Variants in CTTNBP2 observed in about 807,000 individuals in gnomAD.
CTTNBP2 encodes cortactin binding protein 2.
A neutral mutation model predicts 156.9 loss-of-function variants in CTTNBP2; 108 were observed. The observed-to-expected ratio is 0.69, with a 90% CI of 0.59 to 0.81. The LOEUF (loss-of-function observed/expected upper bound fraction) is 0.81. CTTNBP2 is among the 30% of genes least tolerant of loss of function. CTTNBP2 has a pLI of 0.00. For synonymous variants in CTTNBP2, 767 were observed against 751.8 expected (o/e 1.02, Z -0.33); for missense variants, 1,924 against 2,035.4 (o/e 0.95, Z 1.05).
In CTTNBP2 at chr7:117,724,609, G is replaced by A. The variant is rs749123993; in HGVS notation, c.4385C>T (p.Pro1462Leu). Residue 1462 changes from proline (P) to leucine (L), a missense_variant, in exon 19 of 23, where the codon CCT becomes CTT. By Grantham distance (98) the Pro-to-Leu change is moderately conservative (BLOSUM62 -3). Transcript: ENST00000160373. ...SGAWRKVNTS[P>L]RRKSGRFSLP... ...AGAGAAGCGGCCAGACTTCCTGCGA[G>A]GACTGGTGTTCACCTTTCTCCAGGC... The A allele has an allele frequency of 1.2e-6, 2 of 1,614,096 alleles. No individual in the cohort carries two copies. The highest frequency in any genetic ancestry group is 1.7e-5 in the Admixed American group (1 of 60,020).
chr7:117,776,872 C>T (rs1395103398), intron 8 of CTTNBP2, among the ~76,000 whole-genome samples: 8 of 152,168 alleles, frequency 5.3e-5, no homozygotes, highest in Admixed American at 5.2e-4. Flanking sequence ...CAAAAGTGAT[C>T]CTTGCAAATG....
At chr7:117,872,491 G>A (rs1804676624) in intron 1 of CTTNBP2, among the ~76,000 whole-genome samples, 1 of 152,114 alleles carries the variant, frequency 6.6e-6, no homozygotes, top group South Asian at 2.1e-4. Context: ...AGGAAATGTG[G>A]GTCCAGCCCT....
At chr7:117,768,581 A>AG (rs1554419705) in intron 8 of CTTNBP2, among the ~76,000 whole-genome samples, 1 of 99,112 alleles carries the variant, frequency 1.0e-5, no homozygotes, top group African/African-American at 4.8e-5. Context: ...AAAAAAAAAA[A>AG]AAAGAAAGAA....
At chr7:117,787,128 T>G (rs1380637696) in intron 4 of CTTNBP2, among the ~76,000 whole-genome samples, 1 of 152,218 alleles carries the variant, frequency 6.6e-6, no homozygotes, top group Non-Finnish European at 1.5e-5. Context: ...AAAATAGGAC[T>G]TCATCATGAG....
At chr7:117,752,520 T>C (rs1196663574) in intron 12 of CTTNBP2, among the ~76,000 whole-genome samples, 3 of 152,224 alleles carry the variant, frequency 2.0e-5, no homozygotes, top group Non-Finnish European at 4.4e-5. Context: ...ACTTGTATTA[T>C]TTTTAACAAT....
intron 20 of CTTNBP2, 74 bp downstream of exon 20, chr7:117,720,993 A>G: frequency 1.1e-6 from 1 of 950,410 alleles, no homozygotes; most frequent in Non-Finnish European, 1.7e-6. Flanking sequence ...AGAACATGGA[A>G]CATTTAAAAT....
intron 3 of CTTNBP2, among the ~76,000 whole-genome samples, chr7:117,803,616 T>A (rs1230682705): frequency 6.6e-6 from 1 of 152,152 alleles, no homozygotes; most frequent in Non-Finnish European, 1.5e-5. Flanking sequence ...GACTTTTTTA[T>A]GTATTAAGGG....
Position 117,784,458 on chromosome 7 carries a change from T to C in CTTNBP2, c.2069-4A>G, listed in dbSNP as rs1248493064. 6.4e-7 allele frequency: 1 copy of C among 1,570,134 alleles called. No individual in the cohort carries two copies. Among genetic ancestry groups the C allele is most frequent in the African/African-American group, 1.4e-5 (1 of 73,064 alleles). ...GGGGTTAGGGAGGGTGACCAGCCTGTAGGTTAAAGTGACCCTCGTTAGAGA... is the reference window on the plus strand; with the variant it reads ...GGGGTTAGGGAGGGTGACCAGCCTGCAGGTTAAAGTGACCCTCGTTAGAGA... On this transcript the variant is annotated splice_region_variant and splice_polypyrimidine_tract_variant and intron_variant, in intron 4 of 22. Transcript: ENST00000160373.
At chr7:117,829,411 T>C (rs1485643838) in intron 2 of CTTNBP2, among the ~76,000 whole-genome samples, 2 of 152,224 alleles carry the variant, frequency 1.3e-5, no homozygotes, top group African/African-American at 4.8e-5. Flanking sequence ...TACATGGAAG[T>C]GTTGGTTTAG....
At chr7:117,796,897 C>A (rs1799353384) in intron 3 of CTTNBP2, among the ~76,000 whole-genome samples, 1 of 152,152 alleles carries the variant, frequency 6.6e-6, no homozygotes, top group African/African-American at 2.4e-5. Context: ...GGTTATTAGA[C>A]TAATTCTCCT....
chr7:117,838,195 C>A (rs1438124510), intron 2 of CTTNBP2, among the ~76,000 whole-genome samples: 1 of 152,198 alleles, frequency 6.6e-6, no homozygotes, highest in Non-Finnish European at 1.5e-5. Context: ...TACCATAAAA[C>A]CCTCCCCAAG....
chr7:117,755,577 G>T, intron 12 of CTTNBP2: 1 of 468,894 alleles, frequency 2.1e-6, no homozygotes. Flanking sequence ...TTCCCCATCT[G>T]TAAAATGGAT....
intron 9 of CTTNBP2, among the ~76,000 whole-genome samples, chr7:117,766,474 T>C (rs905242491): frequency 6.6e-5 from 10 of 152,216 alleles, no homozygotes; most frequent in Non-Finnish European, 1.0e-4. Flanking sequence ...TATCCTAAAA[T>C]TGAATTACTG....
intron 2 of CTTNBP2, among the ~76,000 whole-genome samples, chr7:117,836,298 C>T (rs1584517600): frequency 1.3e-5 from 2 of 152,200 alleles, no homozygotes; most frequent in Admixed American, 1.3e-4. Flanking sequence ...GGAGCGGTGG[C>T]TCACGCCTGT....
chr7:117,742,361 A>T (rs1796065149), intron 14 of CTTNBP2, among the ~76,000 whole-genome samples: 1 of 152,226 alleles, frequency 6.6e-6, no homozygotes, highest in South Asian at 2.1e-4. Context: ...AGGAAGAAAC[A>T]TCCTATTCTG....
chr7:117,715,234 TAC>T (rs1794278331), intron 22 of CTTNBP2, among the ~76,000 whole-genome samples: 1 of 151,082 alleles, frequency 6.6e-6, no homozygotes, highest in Non-Finnish European at 1.5e-5. Context: ...TGGGGAGGAG[TAC>T]AGAGGGAAGT....
At chr7:117,805,398 G>A (rs1302372049) in intron 3 of CTTNBP2, among the ~76,000 whole-genome samples, 2 of 152,150 alleles carry the variant, frequency 1.3e-5, no homozygotes, top group African/African-American at 4.8e-5. Flanking sequence ...TCACACAGCA[G>A]TTAAGTATGT....
intron 12 of CTTNBP2, among the ~76,000 whole-genome samples, chr7:117,754,279 C>CTTTCT (rs1796771297): frequency 6.6e-6 from 1 of 152,200 alleles, no homozygotes; most frequent in Non-Finnish European, 1.5e-5. Context: ...AAAAATAGTG[C>CTTTCT]TTTCTGCCTC....
At chr7:117,801,679 C>T (rs1799612425) in intron 3 of CTTNBP2, among the ~76,000 whole-genome samples, 1 of 151,840 alleles carries the variant, frequency 6.6e-6, no homozygotes, top group Admixed American at 6.6e-5. Flanking sequence ...AGTAAAAAAC[C>T]ATATGTCTTT....
Sources: gnomAD v4.1 joint callset for allele counts (sites outside exome capture counted in the v4.1 genomes callset) on GRCh38, gnomAD v4.1.1 for gene constraint, MANE v1.5 for transcripts, NCBI Gene and HGNC (gene_info 2026-07-23, HGNC 2026-07-21) for gene names.